PTPRK: variants seen among roughly 807,000 people sequenced by gnomAD.
PTPRK encodes the protein receptor-type tyrosine-protein phosphatase kappa.
Under a neutral mutation model 178.0 loss-of-function variants are expected in PTPRK, and 75 were observed. The ratio of observed to expected loss-of-function variants is 0.42; its 90% CI spans 0.35 to 0.51. PTPRK has a LOEUF of 0.51. Ranked by LOEUF, PTPRK falls within the 20% of genes least tolerant of loss-of-function variation. PTPRK has a pLI of 0.02. For synonymous variants in PTPRK, 637 were observed against 620.6 expected, an observed-to-expected ratio of 1.03 and a Z score of -0.39; for missense variants, 1,441 against 1,797.8, an observed-to-expected ratio of 0.80 and a Z score of 3.59.
intron 13 of PTPRK, 35 bp downstream of exon 13, chr6:128,064,723 G>A (rs780379286): frequency 4.5e-6 from 7 of 1,572,712 alleles, no homozygotes; most frequent in Non-Finnish European, 5.1e-6. Flanking sequence ...GGGGGTGAGA[G>A]TAGTTAAAAC....
chr6:128,490,599 T>G (rs913647730), intron 1 of PTPRK, among the ~76,000 whole-genome samples: 9 of 152,216 alleles, frequency 5.9e-5, no homozygotes, highest in Non-Finnish European at 2.9e-5. Context: ...ACTCCCCATG[T>G]GTAAATCCTA....
intron 3 of PTPRK, chr6:128,321,579 G>C (rs979762178): frequency 1.9e-6 from 1 of 524,240 alleles, no homozygotes; most frequent in African/African-American, 2.0e-5. Flanking sequence ...CCTTAACATA[G>C]TTCATGAAAC....
intron 7 of PTPRK, among the ~76,000 whole-genome samples, chr6:128,154,142 T>C (rs1202003262): frequency 6.6e-6 from 1 of 151,828 alleles, no homozygotes; most frequent in Non-Finnish European, 1.5e-5. Flanking sequence ...GTCATAATTG[T>C]TATGAATAAT....
chr6:128,507,236 C>G (rs1220039297), intron 1 of PTPRK, among the ~76,000 whole-genome samples: 1 of 152,086 alleles, frequency 6.6e-6, no homozygotes, highest in Non-Finnish European at 1.5e-5. Context: ...ATCAGTGACT[C>G]AACTAACAAA....
chr6:128,162,806 T>C (rs1798882363), intron 7 of PTPRK, among the ~76,000 whole-genome samples: 1 of 151,666 alleles, frequency 6.6e-6, no homozygotes, highest in Non-Finnish European at 1.5e-5. Flanking sequence ...TCAACACTGA[T>C]AGGCTTTTGT....
rs114988463 is a variant in PTPRK at position 128,025,979 on chromosome 6, G to A, written c.2195-16711C>T. On this transcript the variant is annotated intron_variant, in intron 13 of 29. Coordinates refer to ENST00000368226, the MANE Select transcript of PTPRK (RefSeq NM_002844.4). Reference sequence around the variant, plus strand: ...TTACAGCTTATTGGGATTAGGACCTGGTATCTTCCAGTAGCCATTATTCAG... The same window carrying A: ...TTACAGCTTATTGGGATTAGGACCTAGTATCTTCCAGTAGCCATTATTCAG... 9.3e-3 allele frequency among the ~76,000 whole-genome samples: 1,409 copies of A among 152,152 alleles called. 19 individuals carry two copies. Among genetic ancestry groups the A allele is most frequent in the African/African-American group, 0.032 (1,329 of 41,502 alleles).
At chr6:128,087,953 A>G (rs193095533) in intron 8 of PTPRK, among the ~76,000 whole-genome samples, 2 of 152,334 alleles carry the variant, frequency 1.3e-5, no homozygotes, top group Admixed American at 6.5e-5. Context: ...AAACTATGGC[A>G]TAATAACCTC....
At chr6:128,493,590 CT>C (rs1854202451) in intron 1 of PTPRK, among the ~76,000 whole-genome samples, 3 of 59,676 alleles carry the variant, frequency 5.0e-5, no homozygotes, top group African/African-American at 2.4e-4. Context: ...CTCCCGCCCC[CT>C]ACACACACAC....
intron 8 of PTPRK, among the ~76,000 whole-genome samples, chr6:128,084,697 A>T (rs568842211): frequency 6.6e-6 from 1 of 152,202 alleles, no homozygotes; most frequent in Non-Finnish European, 1.5e-5. Context: ...TTCTTTCGCT[A>T]TCGTGTATTT....
rs1387052702 is a variant in PTPRK, at chr6:128,520,590, TC to T, written c.-233del. 1.9e-5 allele frequency: 10 copies of T among 517,200 alleles called. No homozygotes were observed. In the Admixed American group the frequency reaches 2.9e-4, roughly 15 times the overall value. 32.0% of individuals were successfully genotyped at this position (517,200 alleles called of 1,614,324 possible). ...GCTCTCCATGCTCGGCGGAGGCTGC[TC>T]CTGTTAGTCAAGAGTTACTTTGCTC... is the stretch of plus-strand genomic sequence containing the variant. On this transcript the variant is annotated 5_prime_UTR_variant, in exon 1 of 30. Transcript: ENST00000368226.
At chr6:128,469,387 T>C (rs1363178697) in intron 1 of PTPRK, among the ~76,000 whole-genome samples, 2 of 152,164 alleles carry the variant, frequency 1.3e-5, no homozygotes, top group Non-Finnish European at 2.9e-5. Flanking sequence ...TAGAAATCCA[T>C]TTCAAATCCA....
At chr6:128,448,550 A>C (rs986425125) in intron 1 of PTPRK, among the ~76,000 whole-genome samples, 2 of 152,194 alleles carry the variant, frequency 1.3e-5, no homozygotes, top group Non-Finnish European at 2.9e-5. Context: ...AGCATGCCAC[A>C]TTAGGCACTA....
At chr6:128,453,255 A>G (rs1159905350) in intron 1 of PTPRK, among the ~76,000 whole-genome samples, 3 of 152,224 alleles carry the variant, frequency 2.0e-5, no homozygotes, top group African/African-American at 4.8e-5. Flanking sequence ...GGGATTAGAC[A>G]TGTGAAATAT....
At chr6:128,504,383 G>GAGCA (rs1199428425) in intron 1 of PTPRK, among the ~76,000 whole-genome samples, 1 of 152,226 alleles carries the variant, frequency 6.6e-6, no homozygotes, top group African/African-American at 2.4e-5. Flanking sequence ...AAGGAGCAAG[G>GAGCA]ATAGAGTACT....
At chr6:128,095,094 A>AT (rs1310248351) in intron 7 of PTPRK, among the ~76,000 whole-genome samples, 2 of 151,812 alleles carry the variant, frequency 1.3e-5, no homozygotes, top group Admixed American at 6.6e-5. Flanking sequence ...CATTTTTCAG[A>AT]TAAAAAAAAA....
chr6:128,126,472 G>T (rs148570983), intron 7 of PTPRK, among the ~76,000 whole-genome samples: 2 of 152,164 alleles, frequency 1.3e-5, no homozygotes, highest in African/African-American at 4.8e-5. Context: ...AGGCTTTTCT[G>T]CAGAAATAAG....
At chr6:128,007,495 C>T (rs535131271) in intron 14 of PTPRK, among the ~76,000 whole-genome samples, 1 of 150,884 alleles carries the variant, frequency 6.6e-6, no homozygotes, top group South Asian at 2.1e-4. Context: ...ACCAGAAAAT[C>T]AAGTTGTCAT....
At chr6:128,264,240 G>A (rs1305265423) in intron 3 of PTPRK, among the ~76,000 whole-genome samples, 1 of 152,056 alleles carries the variant, frequency 6.6e-6, no homozygotes, top group Non-Finnish European at 1.5e-5. Flanking sequence ...AGCACCCACT[G>A]CTAACAAGGA....
chr6:128,505,847 A>C (rs999886725), intron 1 of PTPRK, among the ~76,000 whole-genome samples: 6 of 152,224 alleles, frequency 3.9e-5, no homozygotes, highest in African/African-American at 1.4e-4. Context: ...TGAGCTAATA[A>C]TTGTCAAAAC....
Sources: gnomAD v4.1 joint callset for allele counts (sites outside exome capture counted in the v4.1 genomes callset) on GRCh38, gnomAD v4.1.1 for gene constraint, MANE v1.5 for transcripts, NCBI Gene and HGNC (gene_info 2026-07-23, HGNC 2026-07-21) for gene names.